The following PAPPA variants were observed in gnomAD, a reference collection of about 807,000 sequenced individuals.
PAPPA encodes pappalysin 1.
PAPPA carries 60 observed loss-of-function variants against 164.0 expected under a neutral mutation model. The observed-to-expected ratio is 0.37, with a 90% CI of 0.30 to 0.45. The LOEUF is 0.45. Ranked by LOEUF, PAPPA falls within the 20% of genes least tolerant of loss-of-function variation. PAPPA has a pLI of 1.00. For missense variants in PAPPA, 1,782 were observed against 2,087.3 expected (o/e 0.85, Z 2.85); for synonymous variants, 875 against 814.1 (o/e 1.07, Z -1.27).
intron 7 of PAPPA, among the ~76,000 whole-genome samples, chr9:116,264,908 T>C (rs1282397685): frequency 6.6e-6 from 1 of 152,106 alleles, no homozygotes; most frequent in African/African-American, 2.4e-5. Context: ...TGGCAGTAGC[T>C]GTGTTCATTT....
chr9:116,350,405 G>C (rs144073546), intron 15 of PAPPA, among the ~76,000 whole-genome samples: 27 of 152,136 alleles, frequency 1.8e-4, no homozygotes, highest in Non-Finnish European at 3.2e-4. Context: ...TGCAGGGGTG[G>C]GGGGACATAT....
intron 9 of PAPPA, among the ~76,000 whole-genome samples, chr9:116,278,539 T>G (rs1587983814): frequency 6.6e-6 from 1 of 152,330 alleles, no homozygotes; most frequent in East Asian, 1.9e-4. Flanking sequence ...TCAGTTATTA[T>G]CACCCTAGAA....
intron 2 of PAPPA, among the ~76,000 whole-genome samples, chr9:116,195,781 C>T (rs942583960): frequency 3.9e-5 from 6 of 152,180 alleles, no homozygotes; most frequent in Non-Finnish European, 7.3e-5. Flanking sequence ...ATCCTGAGCC[C>T]CCTCACTACA....
intron 1 of PAPPA, among the ~76,000 whole-genome samples, chr9:116,186,574 C>T (rs770463236): frequency 1.3e-5 from 2 of 152,090 alleles, no homozygotes; most frequent in African/African-American, 4.8e-5. Context: ...ACTTTCCTGA[C>T]AATTTAATGC....
intron 1 of PAPPA, among the ~76,000 whole-genome samples, chr9:116,171,351 G>A (rs762293828): frequency 2.0e-5 from 3 of 152,054 alleles, no homozygotes; most frequent in Non-Finnish European, 2.9e-5. Context: ...AAGCATTTTC[G>A]ACATCTACCT....
chr9:116,191,812 G>A (rs1844046167), intron 2 of PAPPA, among the ~76,000 whole-genome samples: 1 of 152,122 alleles, frequency 6.6e-6, no homozygotes, highest in African/African-American at 2.4e-5. Context: ...AATAATTAAG[G>A]AGAATTGAAG....
intron 15 of PAPPA, among the ~76,000 whole-genome samples, chr9:116,351,690 C>T (rs550671001): frequency 6.6e-6 from 1 of 152,280 alleles, no homozygotes; most frequent in South Asian, 2.1e-4. Flanking sequence ...CTTTCTGAGT[C>T]TTCATTTCCA....
Position 116,207,556 on chromosome 9 carries a change from G to A in PAPPA, c.1579G>A (p.Gly527Arg). Residue 527 changes from glycine to arginine, a missense_variant, in exon 3 of 22, where the codon GGA becomes AGA. Gly to Arg is a moderately radical substitution (Grantham distance 125). Coordinates refer to ENST00000328252, the MANE Select transcript of PAPPA (RefSeq NM_002581.5). ...FAKSSEEELA[G>R]VATWPWDKEA... ...AAAATCCTCAGAGGAGGAGTTGGCA[G>A]GAGTAGCAACTTGGCCATGGGACAA... 1 of 1,613,604 alleles carries A rather than the reference G, an allele frequency of 6.2e-7. No homozygotes were observed. Among genetic ancestry groups the A allele is most frequent in the Non-Finnish European group, 8.5e-7 (1 of 1,179,668 alleles).
chr9:116,356,969 T>A lies in PAPPA; in HGVS notation c.4347+3176T>A, dbSNP rs112891452. Among the ~76,000 whole-genome samples the A allele has an allele frequency of 6.4e-3, 976 of 152,102 alleles. 17 individuals are homozygous for A. In the South Asian group the frequency reaches 0.067, roughly 10 times the overall value. On this transcript the variant is annotated intron_variant, in intron 17 of 21. Transcript: ENST00000328252. ...AGAACTTAAAGTAAACAAAGCAAAA[T>A]AAAAACAAAACCTGAGAAGGAGGCA...
At chr9:116,339,022 G>A (rs1196571307) in intron 13 of PAPPA, among the ~76,000 whole-genome samples, 3 of 152,074 alleles carry the variant, frequency 2.0e-5, no homozygotes, top group African/African-American at 2.4e-5. Flanking sequence ...CAAGTGACTC[G>A]CCTAAAATCA....
intron 8 of PAPPA, among the ~76,000 whole-genome samples, chr9:116,267,852 G>C (rs1018712657): frequency 1.5e-5 from 2 of 135,982 alleles, no homozygotes; most frequent in Admixed American, 8.3e-5. Context: ...TCTGCAGTCC[G>C]GCCTGGGCGA....
At chr9:116,386,346 C>A (rs1440027532) in intron 21 of PAPPA, among the ~76,000 whole-genome samples, 3 of 152,186 alleles carry the variant, frequency 2.0e-5, no homozygotes, top group Non-Finnish European at 4.4e-5. Flanking sequence ...CTACTCCCTG[C>A]AGTAGACTGG....
At chr9:116,362,761 A>T (rs367592611) in intron 18 of PAPPA, 22 bp downstream of exon 18, 2 of 1,605,236 alleles carry the variant, frequency 1.2e-6, no homozygotes, top group Non-Finnish European at 1.7e-6. Context: ...CCGAGAGGGG[A>T]GCAGTAGGAG....
intron 1 of PAPPA, among the ~76,000 whole-genome samples, chr9:116,184,301 A>G (rs540374032): frequency 7.2e-5 from 11 of 152,288 alleles, no homozygotes; most frequent in African/African-American, 2.6e-4. Context: ...GCAGCTTTTA[A>G]TATGTAGTCT....
chr9:116,164,243 C>T (rs2118979426), intron 1 of PAPPA, among the ~76,000 whole-genome samples: 1 of 152,338 alleles, frequency 6.6e-6, no homozygotes, highest in Middle Eastern at 3.4e-3. Context: ...GAACTGTCAT[C>T]TCTGAAGTAT....
intron 1 of PAPPA, among the ~76,000 whole-genome samples, chr9:116,179,815 A>T (rs1179128602): frequency 2.0e-5 from 3 of 152,214 alleles, no homozygotes; most frequent in Non-Finnish European, 4.4e-5. Context: ...TCTCTCAAGC[A>T]TTCCTCTGTG....
At chr9:116,172,449 A>G (rs923201496) in intron 1 of PAPPA, among the ~76,000 whole-genome samples, 6 of 152,118 alleles carry the variant, frequency 3.9e-5, no homozygotes, top group Non-Finnish European at 8.8e-5. Context: ...CCTGGCCTCT[A>G]TGTACTAGAC....
chr9:116,353,040 G>A, intron 16 of PAPPA, 124 bp downstream of exon 16: 1 of 751,988 alleles, frequency 1.3e-6, no homozygotes, highest in Non-Finnish European at 2.4e-6. Flanking sequence ...ATCCCATTCT[G>A]TTCTGTGAGA....
At chr9:116,206,323 C>G (rs978988272) in intron 2 of PAPPA, among the ~76,000 whole-genome samples, 1 of 152,168 alleles carries the variant, frequency 6.6e-6, no homozygotes, top group Non-Finnish European at 1.5e-5. Context: ...CTTTCTGTGA[C>G]ATGGGCGGCC....
Sources: gnomAD v4.1 joint callset for allele counts (sites outside exome capture counted in the v4.1 genomes callset) on GRCh38, gnomAD v4.1.1 for gene constraint, MANE v1.5 for transcripts, NCBI Gene and HGNC (gene_info 2026-07-23, HGNC 2026-07-21) for gene names.